DACH1: variants seen among roughly 807,000 people sequenced by gnomAD.
DACH1 encodes the protein dachshund homolog 1.
A neutral mutation model predicts 54.2 loss-of-function variants in DACH1; 12 were observed. The observed-to-expected ratio is 0.22, with a 90% confidence interval of 0.14 to 0.36. The LOEUF (loss-of-function observed/expected upper bound fraction) is 0.36. DACH1 is among the 10% of genes least tolerant of loss of function. The pLI, the probability that DACH1 is intolerant of heterozygous loss-of-function variation, is 1.00. For missense variants in DACH1, 805 were observed against 929.8 expected (o/e 0.87, Z 1.75); for synonymous variants, 386 against 366.2 (o/e 1.05, Z -0.62).
chr13:71,528,588 C>G (rs953283755), intron 6 of DACH1, among the ~76,000 whole-genome samples: 2 of 151,860 alleles, frequency 1.3e-5, no homozygotes, highest in East Asian at 3.9e-4. Flanking sequence ...CCACCACGCC[C>G]GGCTAATGTT....
At chr13:71,627,946 G>C (rs1876784815) in intron 3 of DACH1, among the ~76,000 whole-genome samples, 1 of 151,936 alleles carries the variant, frequency 6.6e-6, no homozygotes, top group African/African-American at 2.4e-5. Flanking sequence ...AATAATAATA[G>C]CAAAAGCAAT....
intron 1 of DACH1, among the ~76,000 whole-genome samples, chr13:71,864,776 G>T (rs940869291): frequency 7.0e-6 from 1 of 142,238 alleles, no homozygotes; most frequent in Non-Finnish European, 1.5e-5. Context: ...CTCCCCCACT[G>T]AGCGTTCATT....
At chr13:71,729,541 T>A (rs79074977) in intron 1 of DACH1, among the ~76,000 whole-genome samples, 7,262 of 152,118 alleles carry the variant, frequency 0.048, 573 homozygotes, top group African/African-American at 0.16. Context: ...ACAAAATCAC[T>A]CTCTTGCTAG....
intron 1 of DACH1, among the ~76,000 whole-genome samples, chr13:71,702,049 T>TATTTAACACATATA (rs1882163570): frequency 6.6e-6 from 1 of 152,150 alleles, no homozygotes; most frequent in Non-Finnish European, 1.5e-5. Context: ...ATAAATAAAG[T>TATTTAACACATATA]ATTTAACACA....
intron 6 of DACH1, among the ~76,000 whole-genome samples, chr13:71,516,737 G>T (rs2138270342): frequency 6.6e-6 from 1 of 151,842 alleles, no homozygotes; most frequent in East Asian, 1.9e-4. Flanking sequence ...CGTCTGCCAA[G>T]CACTTGTAAC....
At chr13:71,841,113 A>G (rs947104558) in intron 1 of DACH1, among the ~76,000 whole-genome samples, 2 of 152,180 alleles carry the variant, frequency 1.3e-5, no homozygotes, top group African/African-American at 4.8e-5. Flanking sequence ...CCATGAAATC[A>G]TAAGATTTCA....
chr13:71,623,006 CT>C (rs1325328702), intron 3 of DACH1, among the ~76,000 whole-genome samples: 1 of 151,574 alleles, frequency 6.6e-6, no homozygotes, highest in Non-Finnish European at 1.5e-5. Context: ...TATTTTCTGC[CT>C]TCTGCTTATC....
chr13:71,551,005 G>C (rs1883779377), intron 6 of DACH1, among the ~76,000 whole-genome samples: 1 of 151,876 alleles, frequency 6.6e-6, no homozygotes, highest in Admixed American at 6.6e-5. Flanking sequence ...TCAAAATATA[G>C]AAAATTTTAA....
At chr13:71,771,748 A>G (rs1363869226) in intron 1 of DACH1, among the ~76,000 whole-genome samples, 1 of 151,300 alleles carries the variant, frequency 6.6e-6, no homozygotes, top group East Asian at 1.9e-4. Flanking sequence ...CTTATTATTC[A>G]TCTTCTTATA....
intron 1 of DACH1, among the ~76,000 whole-genome samples, chr13:71,861,258 A>T (rs1367892820): frequency 1.3e-5 from 2 of 152,030 alleles, no homozygotes; most frequent in Non-Finnish European, 2.9e-5. Context: ...TAATATTTGA[A>T]GCTTCACAAA....
intron 6 of DACH1, among the ~76,000 whole-genome samples, chr13:71,548,886 C>T (rs1651939588): frequency 6.6e-6 from 1 of 151,836 alleles, no homozygotes; most frequent in Non-Finnish European, 1.5e-5. Flanking sequence ...CACTGCACTC[C>T]AGCCTGGGCA....
intron 3 of DACH1, among the ~76,000 whole-genome samples, chr13:71,608,796 C>T (rs1465862337): frequency 6.6e-6 from 1 of 151,898 alleles, no homozygotes; most frequent in Non-Finnish European, 1.5e-5. Context: ...ATGCTCTGTG[C>T]CAATAGGAGA....
chr13:71,766,484 A>G (rs561522963), intron 1 of DACH1, among the ~76,000 whole-genome samples: 2 of 152,300 alleles, frequency 1.3e-5, no homozygotes, highest in South Asian at 2.1e-4. Context: ...ACCAAACATA[A>G]TGTAACCTCC....
At chr13:71,661,317 T>A (rs185906017) in intron 2 of DACH1, among the ~76,000 whole-genome samples, 8 of 151,616 alleles carry the variant, frequency 5.3e-5, no homozygotes, top group Non-Finnish European at 1.2e-4. Context: ...AGGTAAAATA[T>A]AAGGATTTTA....
At chr13:71,547,529 A>G (rs1883536273) in intron 6 of DACH1, among the ~76,000 whole-genome samples, 1 of 152,100 alleles carries the variant, frequency 6.6e-6, no homozygotes, top group Non-Finnish European at 1.5e-5. Flanking sequence ...AAGAAAATCT[A>G]AAATGCAGCT....
rs780846645 is a variant in DACH1, at chr13:71,526,855, A to G, written c.1570+30169T>C. On this transcript the variant is annotated intron_variant, in intron 6 of 10. Coordinates refer to ENST00000613252, the MANE Select transcript of DACH1 (RefSeq NM_080759.6). ...GCTGAATTATTGTTAGACATTTAAG[A>G]CTTGCTTTTCTTCTCAGTGAAGTCT... 5.9e-5 allele frequency among the ~76,000 whole-genome samples: 9 copies of G among 151,920 alleles called. 1 individual carries two copies. Among genetic ancestry groups the G allele is most frequent in the Middle Eastern group, 3.4e-3 (1 of 290 alleles).
chr13:71,539,914 T>C (rs1291099816), intron 6 of DACH1, among the ~76,000 whole-genome samples: 1 of 152,084 alleles, frequency 6.6e-6, no homozygotes, highest in Non-Finnish European at 1.5e-5. Context: ...TTTTTTACTT[T>C]GTTTTAAAAT....
At chr13:71,721,054 C>T (rs1883208284) in intron 1 of DACH1, among the ~76,000 whole-genome samples, 1 of 152,082 alleles carries the variant, frequency 6.6e-6, no homozygotes, top group Non-Finnish European at 1.5e-5. Flanking sequence ...AATAGGGAAA[C>T]ATTACCTATG....
chr13:71,570,143 A>G (rs978520971), intron 4 of DACH1, among the ~76,000 whole-genome samples: 1 of 152,176 alleles, frequency 6.6e-6, no homozygotes, highest in Non-Finnish European at 1.5e-5. Context: ...ACATTTAGAC[A>G]GGTTGATTTG....
Sources: gnomAD v4.1 joint callset for allele counts (sites outside exome capture counted in the v4.1 genomes callset) on GRCh38, gnomAD v4.1.1 for gene constraint, MANE v1.5 for transcripts, NCBI Gene and HGNC (gene_info 2026-07-23, HGNC 2026-07-21) for gene names.